Variants in FOCAD observed in about 807,000 individuals in gnomAD.
FOCAD encodes KIAA1797.
Under a neutral mutation model 225.6 loss-of-function variants are expected in FOCAD, and 198 were observed. The observed-to-expected ratio is 0.88, with a 90% CI of 0.78 to 0.99. The LOEUF (loss-of-function observed/expected upper bound fraction) is 0.99, where lower values mean the gene tolerates loss of function less well. Ranked by LOEUF, FOCAD falls within the 50% of genes least tolerant of loss-of-function variation. The pLI is 0.00. For missense variants in FOCAD, 2,713 were observed against 2,123.6 expected (o/e 1.28, Z -5.46); for synonymous variants, 897 against 755.0 (o/e 1.19, Z -3.08).
chr9:20,830,460 GTC>G (rs1488232311), intron 15 of FOCAD, among the ~76,000 whole-genome samples: 5 of 151,930 alleles, frequency 3.3e-5, no homozygotes, highest in African/African-American at 9.7e-5. Context: ...TCACTTATTA[GTC>G]TCTCACAAAG....
Position 20,735,497 on chromosome 9 carries a change from C to T in FOCAD, c.288-4739C>T, listed in dbSNP as rs76828084. Among the ~76,000 whole-genome samples, 842 of 151,286 alleles carry T rather than the reference C, an allele frequency of 5.6e-3. 7 individuals carry two copies. The highest frequency in any genetic ancestry group is 0.02 in the African/African-American group (809 of 41,234). On this transcript the variant is annotated intron_variant, in intron 4 of 43. Coordinates refer to ENST00000338382, the MANE Select transcript of FOCAD (RefSeq NM_001375567.1). The stretch of plus-strand genomic sequence containing the variant: ...CCTTCCTTCCTTCCGCCTCCCCTCC[C>T]CTCCCTTCCCCTCCTCTTTTCCTTC...
intron 2 of FOCAD, among the ~76,000 whole-genome samples, chr9:20,664,948 A>G (rs912491613): frequency 2.8e-5 from 3 of 105,612 alleles, no homozygotes; most frequent in African/African-American, 9.3e-5. Context: ...TACATAGTGG[A>G]AAACACTGCA....
intron 24 of FOCAD, among the ~76,000 whole-genome samples, chr9:20,918,762 T>G (rs1026085503): frequency 1.1e-4 from 16 of 152,148 alleles, no homozygotes; most frequent in Non-Finnish European, 2.2e-4. Context: ...CTTATAGACC[T>G]TATTTTAATA....
At chr9:20,907,826 C>T (rs1315756379) in intron 22 of FOCAD, among the ~76,000 whole-genome samples, 4 of 152,046 alleles carry the variant, frequency 2.6e-5, no homozygotes, top group African/African-American at 7.2e-5. Context: ...TCTGGTCAGG[C>T]ACTATGTGCC....
Position 20,986,340 on chromosome 9 carries a change from G to C in FOCAD, c.4781G>C (p.Arg1594Pro), listed in dbSNP as rs780217856. 6.7e-7 allele frequency: 1 copy of C among 1,493,650 alleles called. No homozygotes were observed. The highest frequency in any genetic ancestry group is 1.9e-5 in the Admixed American group (1 of 52,416). 92.5% of individuals were successfully genotyped at this position (1,493,650 alleles called of 1,614,324 possible). Residue 1594 changes from arginine (R) to proline (P), a missense_variant, in exon 40 of 44, where the codon CGA becomes CCA. By Grantham distance (103) the Arg-to-Pro change is moderately radical. Transcript: ENST00000338382. ...AAACTGTACTTAGTCTCTCAAGGAC[G>C]ATTCCCCTTGGTGAACCTGACCGAT... Reference protein sequence around the residue: ...FVKLYLVSQGRFPLVNLTDML... With the variant: ...FVKLYLVSQGPFPLVNLTDML...
intron 28 of FOCAD, among the ~76,000 whole-genome samples, chr9:20,941,045 T>A (rs137859923): frequency 1.8e-4 from 27 of 152,236 alleles, no homozygotes; most frequent in African/African-American, 6.5e-4. Context: ...TATTCCCTTA[T>A]CTAATGAGAT....
At chr9:20,943,724 C>T (rs1836898138) in intron 28 of FOCAD, among the ~76,000 whole-genome samples, 1 of 152,186 alleles carries the variant, frequency 6.6e-6, no homozygotes, top group Admixed American at 6.5e-5. Flanking sequence ...TCTTCTTCGG[C>T]AGCAGATATC....
chr9:20,949,531 C>A lies in FOCAD; in HGVS notation c.3877-73C>A, dbSNP rs535105028. ...TTTATAACTTAGAAGATGGATAGCT[C>A]ATGCACCGGGAATATAACTCTTAAC... On this transcript the variant is annotated intron_variant, in intron 32 of 43. Transcript: ENST00000338382. The A allele has an allele frequency of 2.6e-4, 261 of 1,015,656 alleles. 5 individuals carry two copies. The South Asian group carries it at 3.3e-3, about 13-fold the overall frequency. 62.9% of individuals were successfully genotyped at this position (1,015,656 alleles called of 1,614,324 possible).
chr9:20,866,917 T>TTAAAAAAAAA lies in FOCAD; in HGVS notation c.2107-12_2107-11insTAAAAAAAAA. 1 of 764,972 alleles carries TTAAAAAAAAA rather than the reference T, an allele frequency of 1.3e-6. No homozygotes were observed. The highest frequency in any genetic ancestry group is 2.0e-6 in the Non-Finnish European group (1 of 498,468). The allele number at this position is 764,972 out of a possible 1,614,324, so 47.4% of individuals were successfully genotyped here. A position where few individuals can be genotyped will look rare whatever the true frequency, so the allele number is the denominator to read the frequency against. Reference sequence around the variant, plus strand: ...TTTTTTTTTTTTTTTTTTTTTTTTTTACCCTATCTAGGACCCAATTGTAGC... The same window carrying TTAAAAAAAAA: ...TTTTTTTTTTTTTTTTTTTTTTTTTTTAAAAAAAAAACCCTATCTAGGACCCAATTGTAGC... On this transcript the variant is annotated splice_polypyrimidine_tract_variant and intron_variant, in intron 17 of 43. Transcript: ENST00000338382.
At chr9:20,971,153 G>A (rs1839724838) in intron 35 of FOCAD, among the ~76,000 whole-genome samples, 1 of 151,980 alleles carries the variant, frequency 6.6e-6, no homozygotes, top group African/African-American at 2.4e-5. Context: ...AACACCAGAA[G>A]TCAAAAAAAG....
intron 35 of FOCAD, among the ~76,000 whole-genome samples, chr9:20,973,775 T>C (rs1243659676): frequency 6.9e-6 from 1 of 144,958 alleles, no homozygotes; most frequent in Non-Finnish European, 1.5e-5. Context: ...TTTCTGCAGC[T>C]GATTTTTTCC....
chr9:20,907,995 G>A (rs554972822), intron 22 of FOCAD, among the ~76,000 whole-genome samples: 30 of 152,142 alleles, frequency 2.0e-4, no homozygotes, highest in Admixed American at 1.0e-3. Flanking sequence ...GTGTCTAAAC[G>A]TACTAGGTGC....
intron 5 of FOCAD, among the ~76,000 whole-genome samples, chr9:20,742,929 A>G (rs1827751259): frequency 6.6e-6 from 1 of 152,188 alleles, no homozygotes; most frequent in Non-Finnish European, 1.5e-5. Context: ...TAATCTGGTA[A>G]TGTTTATGGA....
chr9:20,887,604 T>C (rs1346795309), intron 21 of FOCAD, among the ~76,000 whole-genome samples: 1 of 152,222 alleles, frequency 6.6e-6, no homozygotes, highest in Non-Finnish European at 1.5e-5. Flanking sequence ...CTTCGGGTTT[T>C]TTCTGTTTTC....
chr9:20,655,940 T>A (rs914379029), upstream of FOCAD, among the ~76,000 whole-genome samples: 4 of 152,144 alleles, frequency 2.6e-5, no homozygotes, highest in Non-Finnish European at 5.9e-5. Context: ...CTCTACACAC[T>A]GCTTTGAATG....
intron 40 of FOCAD, among the ~76,000 whole-genome samples, chr9:20,987,559 A>C (rs1841303375): frequency 6.6e-6 from 1 of 152,178 alleles, no homozygotes; most frequent in South Asian, 2.1e-4. Context: ...GCAGTCTGAA[A>C]CAGTTTTTAT....
intron 10 of FOCAD, among the ~76,000 whole-genome samples, chr9:20,787,554 G>C (rs1443532436): frequency 1.3e-5 from 2 of 150,294 alleles, no homozygotes; most frequent in East Asian, 1.9e-4. Context: ...TTTTTAGAGA[G>C]CTAGAGCTAT....
intron 21 of FOCAD, among the ~76,000 whole-genome samples, chr9:20,898,574 T>C (rs1331125187): frequency 3.3e-5 from 5 of 151,936 alleles, no homozygotes; most frequent in Admixed American, 2.0e-4. Flanking sequence ...CTAGCATTTA[T>C]TATTTTGGTT....
intron 28 of FOCAD, among the ~76,000 whole-genome samples, chr9:20,936,419 T>C (rs778570975): frequency 6.6e-6 from 1 of 152,206 alleles, no homozygotes; most frequent in Non-Finnish European, 1.5e-5. Context: ...AAAATGTCCA[T>C]TTAATAGGTG....
Sources: allele counts gnomAD v4.1 joint callset (sites outside exome capture counted in the v4.1 genomes callset), GRCh38; gene constraint gnomAD v4.1.1; transcripts MANE v1.5; gene names NCBI Gene and HGNC (gene_info 2026-07-23, HGNC 2026-07-21).